The following ATP1A3 variants were observed in gnomAD, a reference collection of about 807,000 sequenced individuals.
The protein encoded by ATP1A3 is sodium/potassium-transporting ATPase subunit alpha-3.
Under a neutral mutation model 108.8 loss-of-function variants are expected in ATP1A3, and 12 were observed. The observed-to-expected ratio is 0.11, with a 90% CI of 0.07 to 0.18. ATP1A3 has a LOEUF of 0.18. Ranked by LOEUF, ATP1A3 falls within the 10% of genes least tolerant of loss-of-function variation. The pLI is 1.00. For synonymous variants in ATP1A3, 539 were observed against 564.5 expected (o/e 0.95, Z 0.64); for missense variants, 498 against 1,387.7 (o/e 0.36, Z 10.19).
At chr19:41,993,658 T>A (rs1448172049) in intron 1 of ATP1A3, 1 of 637,576 alleles carries the variant, frequency 1.6e-6, no homozygotes, top group Non-Finnish European at 2.7e-6. Flanking sequence ...GGGGCCTCAA[T>A]AACCCCAGAC....
At position 41,982,082 on chromosome 19, in the gene ATP1A3, G is replaced by T; in HGVS notation, c.1018C>A (p.Arg340Ser). 6.2e-7 allele frequency: 1 copy of T among 1,614,154 alleles called. No individual in the cohort carries two copies. Among genetic ancestry groups the T allele is most frequent in the Non-Finnish European group, 8.5e-7 (1 of 1,180,022 alleles). ...VTVCLTLTAK[R>S]MARKNCLVKN... ...ACCAGGCAGTTCTTCCGGGCCATGC[G>T]CTTGGCGGTCAGCGTCAGACACACC... Residue 340 changes from arginine (R) to serine (S), a missense_variant, in exon 9 of 23, where the codon CGC becomes AGC. This residue lies in a region of ATP1A3 where 127 missense variants were observed against 464.0 expected (regional missense o/e 0.27). Transcript: ENST00000648268.
intron 11 of ATP1A3, among the ~76,000 whole-genome samples, chr19:41,980,582 T>C (rs572988608): frequency 1.9e-4 from 29 of 151,388 alleles, no homozygotes; most frequent in Admixed American, 4.0e-4. Context: ...CACTGCCTTT[T>C]AGCCTGGGCG....
chr19:41,974,183 A>T (rs2075141885), intron 16 of ATP1A3, among the ~76,000 whole-genome samples: 1 of 152,108 alleles, frequency 6.6e-6, no homozygotes, highest in Admixed American at 6.6e-5. Flanking sequence ...GTAAGCCGAG[A>T]TTGCATGCCT....
chr19:41,988,293 G>A lies in ATP1A3; in HGVS notation c.153+25C>T, dbSNP rs1555866185. On this transcript the variant is annotated intron_variant, in intron 3 of 22. Transcript: ENST00000648268. This position sits in a 1 kb window ranked among gnomAD's most constrained non-coding sequence, Gnocchi z 5.3. ...CAGCTCCTCCTCCCTAGTTCCCAGG[G>A]TCCCAGCCCACAGCCTGGCCACACC... The A allele has an allele frequency of 6.2e-7, 1 of 1,613,830 alleles. No individual in the cohort carries two copies. The highest frequency in any genetic ancestry group is 2.2e-5 in the East Asian group (1 of 44,894).
chr19:41,986,290 G>A, intron 4 of ATP1A3, 61 bp from the exon 5 acceptor site: 2 of 1,539,960 alleles, frequency 1.3e-6, no homozygotes, highest in Non-Finnish European at 1.8e-6. Flanking sequence ...ACCAGTCCCT[G>A]CTCGCCTGGA....
At chr19:41,982,169 G>T in intron 8 of ATP1A3, 63 bp from the exon 9 acceptor site, 1 of 1,612,070 alleles carries the variant, frequency 6.2e-7, no homozygotes, top group Non-Finnish European at 8.5e-7. Flanking sequence ...TTGGATGAGC[G>T]ACACGAGGGC....
chr19:41,982,771 C>T (rs1378173194), intron 8 of ATP1A3, among the ~76,000 whole-genome samples: 1 of 152,168 alleles, frequency 6.6e-6, no homozygotes, highest in African/African-American at 2.4e-5. Context: ...ACGTCAAAAA[C>T]ATGTTCAGCC....
At chr19:41,970,134 G>C (rs782216472) in intron 18 of ATP1A3, 51 bp downstream of exon 18, 2 of 1,613,888 alleles carry the variant, frequency 1.2e-6, no homozygotes, top group Non-Finnish European at 1.7e-6. Context: ...GCCAGGCACT[G>C]CTCTAGGCCC....
chr19:41,989,615 G>T (rs541952229), intron 1 of ATP1A3, among the ~76,000 whole-genome samples: 1 of 152,100 alleles, frequency 6.6e-6, no homozygotes, highest in Non-Finnish European at 1.5e-5. Context: ...CACCGTGCCC[G>T]GCCTCGTATC....
chr19:41,972,587 A>G (rs2145953199), intron 16 of ATP1A3, among the ~76,000 whole-genome samples: 1 of 152,068 alleles, frequency 6.6e-6, no homozygotes, highest in East Asian at 1.9e-4. Context: ...CAACATGGTG[A>G]AACCCCATCT....
chr19:41,969,027 A>G (rs2075074261), intron 19 of ATP1A3, 112 bp from the exon 20 acceptor site: 5 of 1,505,982 alleles, frequency 3.3e-6, no homozygotes, highest in Non-Finnish European at 4.6e-6. Flanking sequence ...TGGGGTCCTC[A>G]GGGCCTCAGG....
chr19:41,979,501 C>T (rs562952601), intron 11 of ATP1A3, among the ~76,000 whole-genome samples: 1 of 152,124 alleles, frequency 6.6e-6, no homozygotes, highest in South Asian at 2.1e-4. Context: ...GAGACATGCT[C>T]TCCCTATGTT....
At chr19:41,973,541 C>T (rs896951042) in intron 16 of ATP1A3, among the ~76,000 whole-genome samples, 1 of 152,146 alleles carries the variant, frequency 6.6e-6, no homozygotes, top group African/African-American at 2.4e-5. Context: ...CAGGCGTGAG[C>T]CCCCGTGCCT....
In ATP1A3 at chr19:41,989,672, T is replaced by C. The variant is rs574082689; in HGVS notation, c.7-1110A>G. Among the ~76,000 whole-genome samples the C allele has an allele frequency of 3.5e-4, 53 of 152,316 alleles. 2 individuals carry two copies. In the South Asian group the frequency reaches 0.011, roughly 30 times the overall value. On this transcript the variant is annotated intron_variant, in intron 1 of 22. Coordinates refer to ENST00000648268, the MANE Select transcript of ATP1A3 (RefSeq NM_152296.5). ...TGTATCTCCATCTCTTTCTCCTCTG[T>C]CTGTCTCCCTTGATGTGTATCTCCA... is the stretch of plus-strand genomic sequence containing the variant.
chr19:41,975,074 C>T (rs929489115), intron 16 of ATP1A3, among the ~76,000 whole-genome samples: 3 of 151,088 alleles, frequency 2.0e-5, no homozygotes, highest in Non-Finnish European at 4.4e-5. Flanking sequence ...TTTTTTGAGA[C>T]GGAGTCTCGC....
In ATP1A3 at chr19:41,969,447, G is replaced by A. The variant is rs782625641; in HGVS notation, c.2676C>T (p.Tyr892=). ...DRTVNDLEDS[Y]GQQWTYEQRK... Reference sequence around the variant, plus strand: ...CTGCCCTACTCACCCACTGCTGCCCGTAACTGTCTTCCAGGTCATTGACGG... The same window carrying A: ...CTGCCCTACTCACCCACTGCTGCCCATAACTGTCTTCCAGGTCATTGACGG... The change falls in exon 19 of 23, where the codon TAC becomes TAT. Residue 892 remains tyrosine (Y), a synonymous_variant. Coordinates refer to ENST00000648268, the MANE Select transcript of ATP1A3 (RefSeq NM_152296.5). The A allele has an allele frequency of 1.7e-5, 28 of 1,614,080 alleles. No homozygotes were observed. The highest frequency in any genetic ancestry group is 6.7e-5 in the East Asian group (3 of 44,886).
intron 8 of ATP1A3, 63 bp from the exon 9 acceptor site, chr19:41,982,169 G>A (rs559738619): frequency 1.5e-5 from 24 of 1,612,070 alleles, no homozygotes; most frequent in Middle Eastern, 2.1e-4. Flanking sequence ...TTGGATGAGC[G>A]ACACGAGGGC....
At chr19:41,970,620 AACG>A in intron 16 of ATP1A3, 78 bp from the exon 17 acceptor site, 1 of 1,292,268 alleles carries the variant, frequency 7.7e-7, no homozygotes, top group Non-Finnish European at 1.1e-6. Flanking sequence ...GCCCTCATCC[AACG>A]TCCTTTTTTT....
intron 4 of ATP1A3, chr19:41,986,750 T>C (rs2075290997): frequency 5.9e-6 from 1 of 168,100 alleles, no homozygotes; most frequent in East Asian, 1.7e-4. Flanking sequence ...TTTTTTTTTT[T>C]TTTTTTTTTT....
Sources: gnomAD v4.1 joint callset for allele counts (sites outside exome capture counted in the v4.1 genomes callset) on GRCh38, gnomAD v4.1.1 for gene constraint, gnomAD v4.1.1 regional missense constraint, Gnocchi (gnomAD v3.1) non-coding constraint, MANE v1.5 for transcripts, NCBI Gene and HGNC (gene_info 2026-07-23, HGNC 2026-07-21) for gene names.